The following CNTN4 variants were observed in gnomAD, a reference collection of about 807,000 sequenced individuals.
CNTN4 encodes contactin 4.
CNTN4 carries 77 observed loss-of-function variants against 122.5 expected under a neutral mutation model. The ratio of observed to expected loss-of-function variants is 0.63; its 90% CI spans 0.52 to 0.76. CNTN4 has a LOEUF of 0.76. Among genes scored for constraint, CNTN4 ranks in the 30% least tolerant of loss-of-function variants. CNTN4 has a pLI of 0.00. For synonymous variants in CNTN4, 512 were observed against 447.0 expected (o/e 1.15, Z -1.83); for missense variants, 1,256 against 1,259.1 (o/e 1.00, Z 0.04).
chr3:2,626,370 A>G (rs979578372), intron 4 of CNTN4, among the ~76,000 whole-genome samples: 4 of 151,952 alleles, frequency 2.6e-5, no homozygotes, highest in African/African-American at 7.2e-5. Context: ...GGTGGTGGGC[A>G]CCTGTAGTCC....
intron 6 of CNTN4, among the ~76,000 whole-genome samples, chr3:2,802,347 T>C (rs750017617): frequency 2.6e-5 from 4 of 152,222 alleles, no homozygotes; most frequent in Non-Finnish European, 5.9e-5. Flanking sequence ...TCGTTTGAGC[T>C]CTAGGTGTAC....
At chr3:2,114,418 T>C (rs2727903) in intron 2 of CNTN4, among the ~76,000 whole-genome samples, 88,842 of 152,032 alleles carry the variant, frequency 0.58, 26,446 homozygotes, top group Admixed American at 0.68. Context: ...TGTGATCCTG[T>C]CACTGCACTC....
chr3:2,550,716 A>G (rs2078463873), intron 3 of CNTN4, among the ~76,000 whole-genome samples: 1 of 152,180 alleles, frequency 6.6e-6, no homozygotes, highest in Admixed American at 6.6e-5. Context: ...TCTATCATTG[A>G]TAGACTGGAT....
chr3:2,283,343 C>T (rs1459010881), intron 2 of CNTN4, among the ~76,000 whole-genome samples: 5 of 152,086 alleles, frequency 3.3e-5, no homozygotes, highest in African/African-American at 1.2e-4. Flanking sequence ...ATAAGAAACA[C>T]ATATTACAAT....
At chr3:2,134,494 G>C (rs966031066) in intron 2 of CNTN4, among the ~76,000 whole-genome samples, 9 of 152,156 alleles carry the variant, frequency 5.9e-5, no homozygotes, top group African/African-American at 1.9e-4. Flanking sequence ...GTGAATGATG[G>C]TGTAATCACT....
intron 3 of CNTN4, among the ~76,000 whole-genome samples, chr3:2,455,679 ATTGT>A (rs544015477): frequency 9.2e-5 from 14 of 152,178 alleles, no homozygotes; most frequent in South Asian, 8.3e-4. Flanking sequence ...GTTTCAATAA[ATTGT>A]TTGTTTAGCC....
intron 4 of CNTN4, among the ~76,000 whole-genome samples, chr3:2,703,718 T>C (rs1180498228): frequency 6.6e-6 from 1 of 152,100 alleles, no homozygotes; most frequent in Non-Finnish European, 1.5e-5. Flanking sequence ...ATTGTAATCA[T>C]AGTTACTTGT....
chr3:2,298,562 C>G (rs1387876074), intron 2 of CNTN4, among the ~76,000 whole-genome samples: 1 of 152,144 alleles, frequency 6.6e-6, no homozygotes, highest in Non-Finnish European at 1.5e-5. Flanking sequence ...ATATATCTCT[C>G]CTTTTCTCTC....
At chr3:2,723,183 C>T (rs1303225511) in intron 4 of CNTN4, among the ~76,000 whole-genome samples, 1 of 152,104 alleles carries the variant, frequency 6.6e-6, no homozygotes, top group Non-Finnish European at 1.5e-5. Context: ...AAAAACATTT[C>T]ATTTTTAATT....
chr3:2,336,223 T>TTG (rs752344903), intron 2 of CNTN4, among the ~76,000 whole-genome samples: 46 of 151,438 alleles, frequency 3.0e-4, no homozygotes, highest in Admixed American at 1.1e-3. Context: ...GTTGTTTATT[T>TTG]GGGGGGGGGA....
At chr3:2,739,385 T>C (rs2149511228) in intron 5 of CNTN4, among the ~76,000 whole-genome samples, 1 of 152,176 alleles carries the variant, frequency 6.6e-6, no homozygotes, top group East Asian at 1.9e-4. Context: ...ATTATGTTCA[T>C]AGTATATTCA....
chr3:2,711,132 A>G (rs2087121798), intron 4 of CNTN4, among the ~76,000 whole-genome samples: 1 of 152,184 alleles, frequency 6.6e-6, no homozygotes, highest in Admixed American at 6.5e-5. Context: ...TGACTTCCTC[A>G]GGCAACATAG....
intron 13 of CNTN4, among the ~76,000 whole-genome samples, chr3:2,982,244 C>G (rs1186478844): frequency 1.3e-5 from 2 of 152,164 alleles, no homozygotes; most frequent in Non-Finnish European, 2.9e-5. Flanking sequence ...AAAGTTCTAT[C>G]AAGGCAGTCA....
chr3:2,276,156 C>A (rs2041501752), intron 2 of CNTN4, among the ~76,000 whole-genome samples: 1 of 151,424 alleles, frequency 6.6e-6, no homozygotes, highest in South Asian at 2.1e-4. Context: ...TATCTTTTTG[C>A]TTAATTAATT....
chr3:2,842,457 C>A (rs2093379404), intron 7 of CNTN4, among the ~76,000 whole-genome samples: 1 of 152,190 alleles, frequency 6.6e-6, no homozygotes, highest in African/African-American at 2.4e-5. Flanking sequence ...GATACATTTT[C>A]TTTCCCTGCT....
At position 2,241,761 on chromosome 3, in the gene CNTN4, C is replaced by G. The variant is rs528352563; in HGVS notation, c.-144-97417C>G. 2.0e-5 allele frequency among the ~76,000 whole-genome samples: 3 copies of G among 152,282 alleles called. No homozygotes were observed. In the East Asian group the frequency reaches 5.8e-4, roughly 29 times the overall value. ...CTCCTTTGACACAAGTCATGCTCTT[C>G]TAAGCAATCCAGGCTTGTTCAGTTG... is the stretch of plus-strand genomic sequence containing the variant. On this transcript the variant is annotated intron_variant, in intron 2 of 24. Transcript: ENST00000418658.
chr3:2,795,208 T>C (rs2092132907), intron 6 of CNTN4, among the ~76,000 whole-genome samples: 2 of 152,188 alleles, frequency 1.3e-5, no homozygotes, highest in Admixed American at 1.3e-4. Flanking sequence ...TTTGAAAGTA[T>C]CACAGTCATG....
intron 4 of CNTN4, among the ~76,000 whole-genome samples, chr3:2,614,282 G>A (rs1354818663): frequency 6.6e-6 from 1 of 152,164 alleles, no homozygotes; most frequent in Non-Finnish European, 1.5e-5. Context: ...TAGCCAGCAA[G>A]TGGGAAAGAG....
intron 3 of CNTN4, among the ~76,000 whole-genome samples, chr3:2,422,477 TAGTG>T (rs1559538448): frequency 6.6e-6 from 1 of 152,216 alleles, no homozygotes; most frequent in Non-Finnish European, 1.5e-5. Context: ...TGATTTGTAA[TAGTG>T]AGCACTATTT....
Sources: allele counts gnomAD v4.1 joint callset (sites outside exome capture counted in the v4.1 genomes callset), GRCh38; gene constraint gnomAD v4.1.1; transcripts MANE v1.5; gene names NCBI Gene and HGNC (gene_info 2026-07-23, HGNC 2026-07-21).